The following MTMR2 variants were observed in gnomAD, a reference collection of about 807,000 sequenced individuals.
The protein encoded by MTMR2 is phosphatidylinositol-3,5-bisphosphate 3-phosphatase MTMR2.
Under a neutral mutation model 86.9 loss-of-function variants are expected in MTMR2, and 55 were observed. The observed-to-expected ratio is 0.63, with a 90% CI of 0.51 to 0.79. The LOEUF is 0.79. Among genes scored for constraint, MTMR2 ranks in the 30% least tolerant of loss-of-function variants. The pLI, the probability that MTMR2 is intolerant of heterozygous loss-of-function variation, is 0.00. For synonymous variants in MTMR2, 241 were observed against 266.8 expected, an observed-to-expected ratio of 0.90 and a Z score of 0.94; for missense variants, 659 against 772.3, an observed-to-expected ratio of 0.85 and a Z score of 1.74.
At chr11:95,835,634 G>A (rs1411179669) in intron 14 of MTMR2, among the ~76,000 whole-genome samples, 183 bp from the exon 15 acceptor site, 1 of 151,974 alleles carries the variant, frequency 6.6e-6, no homozygotes, top group Non-Finnish European at 1.5e-5. Context: ...GGCTTTCCCA[G>A]TGCCCCTGAG....
rs950251743 is a variant in MTMR2, at chr11:95,833,470, A to G, written c.*1820T>C. On this transcript the variant is annotated 3_prime_UTR_variant, in exon 15 of 15. Coordinates refer to ENST00000346299, the MANE Select transcript of MTMR2 (RefSeq NM_016156.6). ...CCTCCCACACACACCAGTGGTATAT[A>G]TTAAATGCCCAAGTGCATGTACTCC... 2 of 152,082 alleles carry G rather than the reference A, an allele frequency of 1.3e-5. No individual in the cohort carries two copies. Among genetic ancestry groups the G allele is most frequent in the Non-Finnish European group, 2.9e-5 (2 of 67,978 alleles). 9.4% of individuals were successfully genotyped at this position (152,082 alleles called of 1,614,324 possible). A position where few individuals can be genotyped will look rare whatever the true frequency, so the allele number is the denominator to read the frequency against.
chr11:95,872,539 TAC>T (rs1400130908), intron 2 of MTMR2, among the ~76,000 whole-genome samples: 2 of 152,214 alleles, frequency 1.3e-5, no homozygotes, highest in Non-Finnish European at 2.9e-5. Context: ...TTTCTAGATA[TAC>T]AATCATGTCA....
chr11:95,857,514 T>A, intron 7 of MTMR2, 38 bp downstream of exon 7: 1 of 1,473,712 alleles, frequency 6.8e-7, no homozygotes, highest in Non-Finnish European at 9.5e-7. Context: ...ATGAAAAGAA[T>A]ACAAAATACT....
At position 95,919,859 on chromosome 11, in the gene MTMR2, A is replaced by G. The variant is rs192096290; in HGVS notation, c.80+4016T>C. On this transcript the variant is annotated intron_variant, in intron 1 of 14. Transcript: ENST00000346299. ...TCACTCAGCACCTATTCGGCACTAG[A>G]TATCTTACCATTTGATTATGCACAA... Among the ~76,000 whole-genome samples the G allele has an allele frequency of 9.2e-5, 14 of 152,296 alleles. No homozygotes were observed. The East Asian group carries it at 2.7e-3, about 29-fold the overall frequency.
chr11:95,870,724 T>C (rs1170813620), intron 2 of MTMR2, among the ~76,000 whole-genome samples: 1 of 134,154 alleles, frequency 7.5e-6, no homozygotes, highest in African/African-American at 3.4e-5. Context: ...TTTAAGGTTC[T>C]TTTTTTCTTT....
At position 95,835,342 on chromosome 11, in the gene MTMR2, T is replaced by C. The variant is rs749063948; in HGVS notation, c.1880A>G (p.Glu627Gly). ...EISNRSTSSS[E>G]RASSPAQCVT... is the part of the protein sequence containing the mutation. ...ACACTGTGCAGGAGAGCTGGCTCTC[T>C]CTGAGGATGAGGTTGATCGGTTAGA... The change falls in exon 15 of 15, where the codon GAG (glutamate) becomes GGG (glycine). Residue 627 changes from glutamate to glycine, a missense_variant. Physicochemically the swap from Glu to Gly is moderately conservative, Grantham distance 98. Coordinates refer to ENST00000346299, the MANE Select transcript of MTMR2 (RefSeq NM_016156.6). 1 of 1,613,150 alleles carries C rather than the reference T, an allele frequency of 6.2e-7. No individual in the cohort carries two copies. The highest frequency in any genetic ancestry group is 1.1e-5 in the South Asian group (1 of 91,052).
At position 95,879,918 on chromosome 11, in the gene MTMR2, G is replaced by A. The variant is rs757416886; in HGVS notation, c.186+8238C>T. ...ACTGAGCTTTTCTGTTCAAATCAAG[G>A]TATGTTTTTCTGTTTAAGTATTCAT... On this transcript the variant is annotated intron_variant, in intron 2 of 14. Coordinates refer to ENST00000346299, the MANE Select transcript of MTMR2 (RefSeq NM_016156.6). Among the ~76,000 whole-genome samples the A allele has an allele frequency of 4.4e-4, 67 of 152,044 alleles. No homozygotes were observed. The Middle Eastern group carries it at 0.017, about 39-fold the overall frequency.
chr11:95,843,895 G>A (rs577625044), intron 11 of MTMR2, among the ~76,000 whole-genome samples: 2 of 151,920 alleles, frequency 1.3e-5, no homozygotes, highest in African/African-American at 4.8e-5. Flanking sequence ...AGTTTGGGGA[G>A]TTAGGAAAAA....
chr11:95,910,856 T>TTAA (rs1866478746), intron 1 of MTMR2, among the ~76,000 whole-genome samples: 1 of 152,026 alleles, frequency 6.6e-6, no homozygotes, highest in Admixed American at 6.6e-5. Flanking sequence ...TCATGCTCTA[T>TTAA]TAGTCATTCT....
chr11:95,884,532 C>G (rs1565372452), intron 2 of MTMR2, among the ~76,000 whole-genome samples: 2 of 152,144 alleles, frequency 1.3e-5, no homozygotes, highest in African/African-American at 4.8e-5. Flanking sequence ...TTTCATTCAC[C>G]CTTTCTGACT....
chr11:95,873,194 C>A (rs1864962629), intron 2 of MTMR2, among the ~76,000 whole-genome samples: 2 of 152,168 alleles, frequency 1.3e-5, no homozygotes, highest in South Asian at 4.1e-4. Flanking sequence ...AGGAATGGTA[C>A]CAGTTCCTCC....
chr11:95,862,099 G>A lies in MTMR2; in HGVS notation c.361C>T (p.Pro121Ser), dbSNP rs780871514. 6.2e-7 allele frequency: 1 copy of A among 1,611,844 alleles called. No homozygotes were observed. Among genetic ancestry groups the A allele is most frequent in the Non-Finnish European group, 8.5e-7 (1 of 1,178,104 alleles). Residue 121 changes from proline (P) to serine (S), a missense_variant, in exon 5 of 15, where the codon CCC becomes TCC. Pro to Ser is a moderately conservative substitution (Grantham distance 74). Transcript: ENST00000346299. ...RLYFKSMERD[P>S]PFVLDASLGV... ...AGGGAAGCATCTAAAACAAATGGGG[G>A]ATCCTAAAGAAGGAAAGAAAAAATA... is the stretch of plus-strand genomic sequence containing the variant.
chr11:95,889,495 A>G (rs1008046543), intron 1 of MTMR2, among the ~76,000 whole-genome samples: 5 of 131,192 alleles, frequency 3.8e-5, no homozygotes, highest in African/African-American at 8.4e-5. Context: ...GTGCCCCAAG[A>G]ACAAAAATTA....
At chr11:95,899,312 T>C (rs1402808228) in intron 1 of MTMR2, among the ~76,000 whole-genome samples, 2 of 152,172 alleles carry the variant, frequency 1.3e-5, no homozygotes, top group East Asian at 3.8e-4. Context: ...TCTTGCTGAC[T>C]GAAAAATCAG....
At chr11:95,920,117 C>A (rs1866860397) in intron 1 of MTMR2, among the ~76,000 whole-genome samples, 1 of 151,988 alleles carries the variant, frequency 6.6e-6, no homozygotes, top group African/African-American at 2.4e-5. Context: ...CAGAGCACAC[C>A]CAACAAAAGT....
In MTMR2 at chr11:95,923,961, G is replaced by A. The variant is rs1304174797; in HGVS notation, c.-7C>T. The A allele has an allele frequency of 1.9e-6, 3 of 1,556,184 alleles. No homozygotes were observed. Among genetic ancestry groups the A allele is most frequent in the Non-Finnish European group, 1.7e-6 (2 of 1,149,542 alleles). On this transcript the variant is annotated 5_prime_UTR_variant, in exon 1 of 15. Coordinates refer to ENST00000346299, the MANE Select transcript of MTMR2 (RefSeq NM_016156.6). The stretch of plus-strand genomic sequence containing the variant: ...AGCTCGAGCTCTTCTCCATCGCGCG[G>A]CAGGGGCAGCACAGGGAAAGGCTGA...
At chr11:95,855,510 C>T (rs1864178101) in intron 7 of MTMR2, among the ~76,000 whole-genome samples, 2 of 152,074 alleles carry the variant, frequency 1.3e-5, no homozygotes, top group South Asian at 2.1e-4. Flanking sequence ...CCTCGGCCTC[C>T]CAAAGTGCTG....
At chr11:95,918,498 G>C (rs1016971046) in intron 1 of MTMR2, among the ~76,000 whole-genome samples, 1 of 152,144 alleles carries the variant, frequency 6.6e-6, no homozygotes. Flanking sequence ...TCAAATATGT[G>C]CTTTCTGAAA....
chr11:95,851,550 C>A (rs1012665912), intron 7 of MTMR2, among the ~76,000 whole-genome samples: 1 of 151,980 alleles, frequency 6.6e-6, no homozygotes. Flanking sequence ...TTAGTAGAGA[C>A]AAGGTTTCAC....
Sources: gnomAD v4.1 joint callset for allele counts (sites outside exome capture counted in the v4.1 genomes callset) on GRCh38, gnomAD v4.1.1 for gene constraint, MANE v1.5 for transcripts, NCBI Gene and HGNC (gene_info 2026-07-23, HGNC 2026-07-21) for gene names.